The following ZNF521 variants were observed in gnomAD, a reference collection of about 807,000 sequenced individuals.
The protein encoded by ZNF521 is zinc finger protein 521, also known as LYST-interacting protein 3.
A neutral mutation model predicts 105.5 loss-of-function variants in ZNF521; 14 were observed. The ratio of observed to expected loss-of-function variants is 0.13; its 90% CI spans 0.09 to 0.21. The LOEUF is 0.21. ZNF521 is among the 10% of genes least tolerant of loss of function. The probability of loss-of-function intolerance (pLI) is 1.00; values close to 1 mark genes in which losing one functional copy is unlikely to be tolerated. For synonymous variants in ZNF521, 635 were observed against 606.0 expected (o/e 1.05, Z -0.70); for missense variants, 1,233 against 1,629.7 (o/e 0.76, Z 4.19).
intron 4 of ZNF521, among the ~76,000 whole-genome samples, chr18:25,219,636 G>A (rs908519008): frequency 6.6e-5 from 10 of 151,960 alleles, no homozygotes; most frequent in African/African-American, 1.9e-4. Context: ...AACTCCTCAC[G>A]GCAAGCTCGT....
chr18:25,153,379 T>C lies in ZNF521; in HGVS notation c.3658+41781A>G, dbSNP rs191350615. Reference sequence around the variant, plus strand: ...AGTCATGGGGAAGCCTGTTCTACCCTGCCCCCTCTCTTATTACCTTCTGGT... The same window carrying C: ...AGTCATGGGGAAGCCTGTTCTACCCCGCCCCCTCTCTTATTACCTTCTGGT... On this transcript the variant is annotated intron_variant, in intron 5 of 7. Coordinates refer to ENST00000361524, the MANE Select transcript of ZNF521 (RefSeq NM_015461.3). 1.2e-3 allele frequency among the ~76,000 whole-genome samples: 180 copies of C among 152,346 alleles called. 1 individual carries two copies. The highest frequency in any genetic ancestry group is 3.8e-3 in the African/African-American group (159 of 41,572).
intron 5 of ZNF521, among the ~76,000 whole-genome samples, chr18:25,131,984 G>A (rs1030175715): frequency 2.6e-5 from 4 of 152,092 alleles, no homozygotes; most frequent in Admixed American, 6.6e-5. Context: ...CATGGCAGAA[G>A]CTAGAAAGAA....
chr18:25,256,658 G>A (rs1022527025), intron 3 of ZNF521, among the ~76,000 whole-genome samples: 7 of 152,052 alleles, frequency 4.6e-5, no homozygotes, highest in Non-Finnish European at 7.4e-5. Flanking sequence ...GCGGGGAAGG[G>A]ATCCCAGAGG....
intron 2 of ZNF521, among the ~76,000 whole-genome samples, chr18:25,328,979 T>C (rs1913398103): frequency 6.6e-6 from 1 of 152,388 alleles, no homozygotes; most frequent in Non-Finnish European, 1.5e-5. Context: ...GTTACTAACA[T>C]ATTCCTACCT....
Position 25,224,637 on chromosome 18 carries a change from G to A in ZNF521, c.3281C>T (p.Ala1094Val), listed in dbSNP as rs539216382. The A allele has an allele frequency of 1.4e-5, 22 of 1,614,068 alleles. No homozygotes were observed. The South Asian group carries it at 2.1e-4, about 15-fold the overall frequency. Residue 1094 changes from alanine to valine, a missense_variant, in exon 4 of 8, where the codon GCC (alanine) becomes GTC (valine). Around this residue, in one of 6 missense-constraint regions of ZNF521, gnomAD observed 614 missense variants for 751.5 expected, o/e 0.82. Transcript: ENST00000361524. Reference sequence around the variant, plus strand: ...GCTCTTACTGAGATTCACGCAGCCGGCACACAGACCATATGGCAGGCCATT... The same window carrying A: ...GCTCTTACTGAGATTCACGCAGCCGACACACAGACCATATGGCAGGCCATT... ...DINGLPYGLC[A>V]GCVNLSKSAS...
intron 3 of ZNF521, among the ~76,000 whole-genome samples, chr18:25,271,917 T>A (rs919120934): frequency 6.6e-6 from 1 of 152,108 alleles, no homozygotes. Context: ...ACAAGTGGGA[T>A]CTAATTAAAC....
Position 25,226,501 on chromosome 18 carries a change from G to T in ZNF521, c.1417C>A (p.Pro473Thr), listed in dbSNP as rs779125618. 5.6e-6 allele frequency: 9 copies of T among 1,614,028 alleles called. No individual in the cohort carries two copies. The highest frequency in any genetic ancestry group is 7.6e-6 in the Non-Finnish European group (9 of 1,180,028). ...QDPGLIVSAM[P>T]AIVYQCNFCS... ...AAGTTACACTGGTAGACAATGGCAGGCATGGCAGAAACAATCAGACCTGGG... is the reference window on the plus strand; with the variant it reads ...AAGTTACACTGGTAGACAATGGCAGTCATGGCAGAAACAATCAGACCTGGG... The change falls in exon 4 of 8, where the codon CCT (proline) becomes ACT (threonine). Residue 473 changes from proline (P) to threonine (T), a missense_variant. By Grantham distance (38) the Pro-to-Thr change is conservative. Around this residue, in one of 6 missense-constraint regions of ZNF521, gnomAD observed 380 missense variants for 478.0 expected, o/e 0.80. Coordinates refer to ENST00000361524, the MANE Select transcript of ZNF521 (RefSeq NM_015461.3). The surrounding 1 kb of genome is among the most constrained non-coding windows in gnomAD (Gnocchi z 4.1).
intron 3 of ZNF521, among the ~76,000 whole-genome samples, chr18:25,311,718 T>G (rs562870167): frequency 1.1e-4 from 17 of 152,306 alleles, no homozygotes; most frequent in African/African-American, 3.8e-4. Flanking sequence ...GAAGATATTC[T>G]CCCATGGCTT....
At chr18:25,351,601 G>C (rs1178301477) in intron 1 of ZNF521, 1 of 152,192 alleles carries the variant, frequency 6.6e-6, no homozygotes, top group Non-Finnish European at 1.5e-5. Flanking sequence ...CCCACCATCC[G>C]AGGCAGATGC....
rs1467433262 is a variant in ZNF521 at position 25,130,317 on chromosome 18, G to A, written c.3659-38236C>T. 2.6e-5 allele frequency among the ~76,000 whole-genome samples: 4 copies of A among 152,126 alleles called. No individual in the cohort carries two copies. In the East Asian group the frequency reaches 7.7e-4, roughly 29 times the overall value. ...TATGGAGACAGTAAAAAAAATATCA[G>A]TAGTTACTAGGGCTTCAGGGGAAGG... On this transcript the variant is annotated intron_variant, in intron 5 of 7. Coordinates refer to ENST00000361524, the MANE Select transcript of ZNF521 (RefSeq NM_015461.3).
At chr18:25,331,893 CT>C (rs11407486) in intron 2 of ZNF521, among the ~76,000 whole-genome samples, 4 of 134,552 alleles carry the variant, frequency 3.0e-5, no homozygotes, top group Non-Finnish European at 6.3e-5. Context: ...TTGCTTTTTT[CT>C]TTTTTTTTTT....
At chr18:25,206,489 A>T (rs1478441392) in intron 4 of ZNF521, among the ~76,000 whole-genome samples, 1 of 151,892 alleles carries the variant, frequency 6.6e-6, no homozygotes, top group Non-Finnish European at 1.5e-5. Flanking sequence ...GTATCCTTCC[A>T]GCTAGTCTTC....
intron 2 of ZNF521, among the ~76,000 whole-genome samples, chr18:25,324,961 A>G (rs1000732024): frequency 1.3e-5 from 2 of 152,228 alleles, no homozygotes; most frequent in African/African-American, 4.8e-5. Flanking sequence ...CACTTCTGCA[A>G]TTGCAGATAG....
chr18:25,083,962 T>TTG (rs1243562622), intron 7 of ZNF521, among the ~76,000 whole-genome samples: 1 of 112,974 alleles, frequency 8.9e-6, no homozygotes, highest in Non-Finnish European at 1.9e-5. Flanking sequence ...TTTTTTTTTT[T>TTG]GGTAGAGATG....
At chr18:25,127,291 A>G (rs2034555981) in intron 5 of ZNF521, among the ~76,000 whole-genome samples, 1 of 152,060 alleles carries the variant, frequency 6.6e-6, no homozygotes, top group Admixed American at 6.6e-5. Context: ...GTAGTAGGAC[A>G]AGATACAGAG....
chr18:25,349,701 G>A (rs1332211931), intron 2 of ZNF521, among the ~76,000 whole-genome samples: 2 of 151,610 alleles, frequency 1.3e-5, no homozygotes, highest in Non-Finnish European at 2.9e-5. Context: ...GGGCGCCGCG[G>A]CCCGGCAGCC....
chr18:25,120,401 G>A (rs530520981), intron 5 of ZNF521, among the ~76,000 whole-genome samples: 4 of 152,216 alleles, frequency 2.6e-5, no homozygotes, highest in South Asian at 4.1e-4. Context: ...TGGCCAACAC[G>A]ATGAAACCCC....
chr18:25,223,322 C>T (rs1441771688), intron 4 of ZNF521, among the ~76,000 whole-genome samples: 1 of 152,182 alleles, frequency 6.6e-6, no homozygotes, highest in Non-Finnish European at 1.5e-5. Flanking sequence ...TTTTGTGAGG[C>T]CAGGCTCTGT....
At chr18:25,150,349 G>A (rs1488975839) in intron 5 of ZNF521, among the ~76,000 whole-genome samples, 2 of 152,092 alleles carry the variant, frequency 1.3e-5, no homozygotes, top group Non-Finnish European at 2.9e-5. Flanking sequence ...CTTCGGTGAT[G>A]GGTGCACCCA....
Sources: gnomAD v4.1 joint callset for allele counts (sites outside exome capture counted in the v4.1 genomes callset) on GRCh38, gnomAD v4.1.1 for gene constraint, gnomAD v4.1.1 regional missense constraint, Gnocchi (gnomAD v3.1) non-coding constraint, MANE v1.5 for transcripts, NCBI Gene and HGNC (gene_info 2026-07-23, HGNC 2026-07-21) for gene names.